The following NLGN3 variants were observed in gnomAD, a reference collection of about 807,000 sequenced individuals.
NLGN3 encodes neuroligin-3.
In NLGN3, 11 loss-of-function variants were observed where a neutral mutation model predicts 42.9. The observed-to-expected ratio is 0.26, with a 90% CI of 0.16 to 0.42. The LOEUF (loss-of-function observed/expected upper bound fraction) is 0.42. Ranked by LOEUF, NLGN3 falls within the 10% of genes least tolerant of loss-of-function variation. The probability of loss-of-function intolerance (pLI) is 1.00; values close to 1 mark genes in which losing one functional copy is unlikely to be tolerated. For synonymous variants in NLGN3, 279 were observed against 312.7 expected (o/e 0.89, Z 1.14); for missense variants, 374 against 733.8 (o/e 0.51, Z 5.67).
intron 5 of NLGN3, among the ~76,000 whole-genome samples, chrX:71,156,066 C>A (rs1464325047): frequency 9.1e-6 from 1 of 109,803 alleles, no homozygotes; most frequent in Non-Finnish European, 1.9e-5. Context: ...TCTGTAGCCA[C>A]ATCTACACCG....
Position 71,171,067 on chromosome X carries a change from GT to G in NLGN3, c.*972del. On this transcript the variant is annotated 3_prime_UTR_variant, in exon 8 of 8. Transcript: ENST00000358741. ...CTCTTTCAAAAAGGCGGTGTTTTTTGTTGTTGTTGGTTTTTTTTTTTTTTTA... is the reference window on the plus strand; with the variant it reads ...CTCTTTCAAAAAGGCGGTGTTTTTTGTGTTGTTGGTTTTTTTTTTTTTTTA... 2.4e-5 allele frequency: 18 copies of G among 744,636 alleles called. No homozygotes were observed. The highest frequency in any genetic ancestry group is 2.8e-5 in the Non-Finnish European group (18 of 635,229). 61.4% of individuals were successfully genotyped at this position (744,636 alleles called of 1,213,427 possible). A position where few individuals can be genotyped will look rare whatever the true frequency, so the allele number is the denominator to read the frequency against.
chrX:71,150,379 TA>T (rs1055494067), intron 3 of NLGN3, among the ~76,000 whole-genome samples: 3 of 111,222 alleles, frequency 2.7e-5, no homozygotes, highest in Non-Finnish European at 5.7e-5. Context: ...CATTAGCCTG[TA>T]AATGAATTCA....
At chrX:71,169,180 G>C (rs922230891) in intron 7 of NLGN3, 74 bp from the exon 8 acceptor site, 22 of 1,131,145 alleles carry the variant, frequency 1.9e-5, no homozygotes, top group Admixed American at 8.9e-5. Flanking sequence ...AGGTTTGGCT[G>C]TCAGAGGAAA....
intron 6 of NLGN3, 27 bp downstream of exon 6, chrX:71,164,355 A>G: frequency 8.3e-7 from 1 of 1,199,787 alleles, no homozygotes; most frequent in Non-Finnish European, 1.1e-6. Context: ...GCAAAACATG[A>G]ACTAGCCAAG....
chrX:71,151,997 T>C (rs1319669402), intron 3 of NLGN3, among the ~76,000 whole-genome samples: 2 of 112,184 alleles, frequency 1.8e-5, no homozygotes, highest in Admixed American at 9.4e-5. Context: ...CCCCTAGAGC[T>C]GTGCTCTTGT....
In NLGN3 at chrX:71,170,049, G is replaced by A; in HGVS notation, c.2499G>A (p.Gly833=). 2 of 1,209,970 alleles carry A rather than the reference G, an allele frequency of 1.7e-6. No individual in the cohort carries two copies. Among genetic ancestry groups the A allele is most frequent in the Non-Finnish European group, 2.2e-6 (2 of 895,036 alleles). Residue 833 remains glycine (G), a synonymous_variant, in exon 8 of 8, where the codon GGG becomes GGA. Transcript: ENST00000358741. ...TLHPYNTFAA[G]FNSTGLPHSH... ...ACCCCTATAACACCTTTGCCGCAGG[G>A]TTCAACAGTACCGGGCTGCCCCACT...
chrX:71,146,986 G>A (rs2092372945), intron 1 of NLGN3, among the ~76,000 whole-genome samples: 1 of 111,398 alleles, frequency 9.0e-6, no homozygotes, highest in African/African-American at 3.3e-5. Flanking sequence ...GAGGGTCCGA[G>A]GAGGACTCCC....
At chrX:71,161,096 TTTTTC>T (rs1366811133) in intron 5 of NLGN3, among the ~76,000 whole-genome samples, 2 of 106,637 alleles carry the variant, frequency 1.9e-5, no homozygotes, top group Non-Finnish European at 3.8e-5. Flanking sequence ...TAGCATTTCT[TTTTTC>T]TTTTCTTTTC....
chrX:71,164,075 C>T (rs1407432039), intron 5 of NLGN3, 68 bp from the exon 6 acceptor site: 1 of 1,060,125 alleles, frequency 9.4e-7, no homozygotes. Context: ...GTTGACCCTG[C>T]CTGCCGTCAT....
Position 71,150,627 on chromosome X carries a change from A to G in NLGN3, c.517+1722A>G, listed in dbSNP as rs1048748898. 1.2e-4 allele frequency among the ~76,000 whole-genome samples: 13 copies of G among 105,801 alleles called. No homozygotes were observed. In the East Asian group the frequency reaches 3.1e-3, roughly 25 times the overall value. The allele number at this position is 105,801 out of a possible 115,157, so 91.9% of individuals were successfully genotyped here. A position where few individuals can be genotyped will look rare whatever the true frequency, so the allele number is the denominator to read the frequency against. ...TGAGGCAGGAGAATGGCATGAACCCAGGAGGCAGAGCTTGCAGTGAGCCGA... is the reference window on the plus strand; with the variant it reads ...TGAGGCAGGAGAATGGCATGAACCCGGGAGGCAGAGCTTGCAGTGAGCCGA... On this transcript the variant is annotated intron_variant, in intron 3 of 7. Coordinates refer to ENST00000358741, the MANE Select transcript of NLGN3 (RefSeq NM_181303.2).
At chrX:71,174,641 G>A (rs775593100), downstream of NLGN3, among the ~76,000 whole-genome samples, 9 of 111,766 alleles carry the variant, frequency 8.1e-5, no homozygotes, top group Middle Eastern at 4.7e-3. Context: ...CACCCACAGC[G>A]TATCTAGAGT....
At chrX:71,151,865 G>C (rs894312574) in intron 3 of NLGN3, among the ~76,000 whole-genome samples, 1 of 111,905 alleles carries the variant, frequency 8.9e-6, no homozygotes, top group African/African-American at 3.2e-5. Flanking sequence ...TAGGCTGTCC[G>C]CAGTGTGAGG....
intron 3 of NLGN3, among the ~76,000 whole-genome samples, chrX:71,150,917 G>A (rs1160417074): frequency 9.0e-6 from 1 of 111,285 alleles, no homozygotes; most frequent in Non-Finnish European, 1.9e-5. Context: ...GCAAGGCCAT[G>A]TGCTAGGTGT....
intron 6 of NLGN3, among the ~76,000 whole-genome samples, chrX:71,165,928 G>A (rs1039668872): frequency 2.7e-5 from 3 of 111,664 alleles, no homozygotes; most frequent in Middle Eastern, 9.2e-3. Flanking sequence ...CTTTTAAGTA[G>A]TAATCTATCA....
At chrX:71,145,489 C>T (rs960144451) in intron 1 of NLGN3, among the ~76,000 whole-genome samples, 6 of 108,090 alleles carry the variant, frequency 5.6e-5, no homozygotes, top group Non-Finnish European at 9.6e-5. Flanking sequence ...CACAATGCCC[C>T]GCGCCCAGCA....
At chrX:71,159,268 C>T (rs1269824605) in intron 5 of NLGN3, among the ~76,000 whole-genome samples, 1 of 109,848 alleles carries the variant, frequency 9.1e-6, no homozygotes, top group Non-Finnish European at 1.9e-5. Context: ...TTGCAATGAG[C>T]CAAGATCGTG....
intron 5 of NLGN3, among the ~76,000 whole-genome samples, chrX:71,157,288 T>TTATG (rs58344686): frequency 3.3e-5 from 1 of 30,618 alleles, no homozygotes; most frequent in Non-Finnish European, 5.3e-5. Context: ...TTTAATTTGC[T>TTATG]TATTTATTTA....
At chrX:71,152,506 T>G (rs986173832) in intron 3 of NLGN3, among the ~76,000 whole-genome samples, 5 of 110,756 alleles carry the variant, frequency 4.5e-5, no homozygotes, top group Admixed American at 9.7e-5. Context: ...CCTCTAGCAC[T>G]TCCTAGCTGT....
Position 71,170,597 on chromosome X carries a change from A to G in NLGN3, c.*500A>G. On this transcript the variant is annotated 3_prime_UTR_variant, in exon 8 of 8. Coordinates refer to ENST00000358741, the MANE Select transcript of NLGN3 (RefSeq NM_181303.2). ...TTTTTCTTTTTTAATTTTGGAACAAATGCTTTTCCAACCCATGAGTGCTAA... is the reference window on the plus strand; with the variant it reads ...TTTTTCTTTTTTAATTTTGGAACAAGTGCTTTTCCAACCCATGAGTGCTAA... 1 of 791,666 alleles carries G rather than the reference A, an allele frequency of 1.3e-6. No individual in the cohort carries two copies. 65.2% of individuals were successfully genotyped at this position (791,666 alleles called of 1,213,427 possible). A position where few individuals can be genotyped will look rare whatever the true frequency, so the allele number is the denominator to read the frequency against.
Sources: gnomAD v4.1 joint callset for allele counts (sites outside exome capture counted in the v4.1 genomes callset) on GRCh38, gnomAD v4.1.1 for gene constraint, MANE v1.5 for transcripts, NCBI Gene and HGNC (gene_info 2026-07-23, HGNC 2026-07-21) for gene names.